The following RNF180 variants were observed in gnomAD, a reference collection of about 807,000 sequenced individuals.
RNF180 encodes the protein E3 ubiquitin-protein ligase RNF180.
RNF180 carries 38 observed loss-of-function variants against 59.2 expected under a neutral mutation model. That is an observed-to-expected ratio of 0.64 (90% confidence interval 0.50 to 0.84). The LOEUF (loss-of-function observed/expected upper bound fraction) is 0.84. Ranked by LOEUF, RNF180 falls within the 40% of genes least tolerant of loss-of-function variation. RNF180 has a pLI of 0.00. For synonymous variants in RNF180, 262 were observed against 240.3 expected (o/e 1.09, Z -0.84); for missense variants, 705 against 700.9 (o/e 1.01, Z -0.07).
At chr5:64,349,404 T>G (rs1403359246) in intron 7 of RNF180, among the ~76,000 whole-genome samples, 3 of 131,814 alleles carry the variant, frequency 2.3e-5, no homozygotes, top group East Asian at 4.0e-4. Flanking sequence ...CAGGCTAGTC[T>G]TCTTTCTTTT....
intron 5 of RNF180, among the ~76,000 whole-genome samples, chr5:64,231,544 T>A (rs943274630): frequency 4.6e-5 from 7 of 152,220 alleles, no homozygotes; most frequent in African/African-American, 1.7e-4. Context: ...GTGCTCTCTT[T>A]CGGTTAATTC....
chr5:64,292,424 G>A (rs184529137), intron 5 of RNF180, among the ~76,000 whole-genome samples: 179 of 152,258 alleles, frequency 1.2e-3, no homozygotes, highest in African/African-American at 3.8e-3. Context: ...TCCTAGTTGC[G>A]TTGGTTTTCC....
chr5:64,291,719 G>GC (rs1742599436), intron 5 of RNF180, among the ~76,000 whole-genome samples: 1 of 151,940 alleles, frequency 6.6e-6, no homozygotes, highest in African/African-American at 2.4e-5. Flanking sequence ...GAGCCACCGT[G>GC]CCCGGCCCTG....
At chr5:64,331,489 G>A (rs1744905058) in intron 7 of RNF180, among the ~76,000 whole-genome samples, 1 of 152,140 alleles carries the variant, frequency 6.6e-6, no homozygotes, top group Admixed American at 6.5e-5. Flanking sequence ...CAGACAGTGG[G>A]ACAACCTACC....
chr5:64,227,126 CA>C (rs775061157), intron 5 of RNF180, among the ~76,000 whole-genome samples: 58 of 152,300 alleles, frequency 3.8e-4, no homozygotes, highest in Admixed American at 8.5e-4. Flanking sequence ...GAGCTGGAGG[CA>C]GCGGCCACAA....
At chr5:64,332,133 C>G (rs1182722568) in intron 7 of RNF180, among the ~76,000 whole-genome samples, 1 of 152,052 alleles carries the variant, frequency 6.6e-6, no homozygotes, top group Non-Finnish European at 1.5e-5. Context: ...TAGTAAGAGC[C>G]AAGCACAGCC....
At chr5:64,231,967 G>A (rs1202836580) in intron 5 of RNF180, among the ~76,000 whole-genome samples, 1 of 151,996 alleles carries the variant, frequency 6.6e-6, no homozygotes, top group African/African-American at 2.4e-5. Context: ...AGGCTATTTT[G>A]CTTTTTAGTA....
At chr5:64,261,727 A>G (rs1056493996) in intron 5 of RNF180, among the ~76,000 whole-genome samples, 3 of 152,278 alleles carry the variant, frequency 2.0e-5, no homozygotes, top group East Asian at 1.9e-4. Flanking sequence ...TTATAAATCA[A>G]TATCAGGTGG....
chr5:64,221,671 A>C (rs907291620), intron 5 of RNF180, among the ~76,000 whole-genome samples: 2 of 152,202 alleles, frequency 1.3e-5, no homozygotes, highest in Non-Finnish European at 2.9e-5. Context: ...TGTGGAACAA[A>C]ATAATGTATG....
intron 1 of RNF180, among the ~76,000 whole-genome samples, chr5:64,174,940 T>G (rs1165137288): frequency 6.6e-6 from 1 of 151,476 alleles, no homozygotes. Context: ...GGTTTTACAT[T>G]TAAGTCTTTA....
chr5:64,231,857 G>A (rs1481894681), intron 5 of RNF180, among the ~76,000 whole-genome samples: 2 of 152,182 alleles, frequency 1.3e-5, no homozygotes, highest in Non-Finnish European at 2.9e-5. Flanking sequence ...AGCTTTTGCA[G>A]CCACTACAGA....
intron 1 of RNF180, among the ~76,000 whole-genome samples, chr5:64,183,024 G>A (rs945867837): frequency 1.2e-4 from 19 of 152,072 alleles, no homozygotes; most frequent in African/African-American, 4.3e-4. Context: ...AGCAGGTTGG[G>A]GAGGACAACC....
At chr5:64,169,786 T>C (rs2111861801) in intron 1 of RNF180, among the ~76,000 whole-genome samples, 1 of 152,358 alleles carries the variant, frequency 6.6e-6, no homozygotes, top group South Asian at 2.1e-4. Context: ...TAGTATAACT[T>C]TAACAAGAGA....
chr5:64,175,126 C>A (rs1273733733), intron 1 of RNF180, among the ~76,000 whole-genome samples: 1 of 152,040 alleles, frequency 6.6e-6, no homozygotes, highest in Non-Finnish European at 1.5e-5. Flanking sequence ...TGCCACCACA[C>A]CCGGCTAATT....
intron 5 of RNF180, among the ~76,000 whole-genome samples, chr5:64,281,174 A>G (rs1214496730): frequency 6.6e-6 from 1 of 152,222 alleles, no homozygotes; most frequent in African/African-American, 2.4e-5. Context: ...AACTTTGCTG[A>G]AGTTATTTAT....
chr5:64,362,448 G>A (rs1457500853), intron 7 of RNF180, among the ~76,000 whole-genome samples: 4 of 151,658 alleles, frequency 2.6e-5, no homozygotes, highest in South Asian at 2.1e-4. Context: ...ATAGTAATCC[G>A]TAGTGTATAG....
chr5:64,264,336 A>G (rs2112328702), intron 5 of RNF180, among the ~76,000 whole-genome samples: 1 of 152,160 alleles, frequency 6.6e-6, no homozygotes, highest in East Asian at 1.9e-4. Context: ...CTAGGTTTTA[A>G]GCCCCACATG....
chr5:64,317,991 C>T (rs1744153253), intron 5 of RNF180, among the ~76,000 whole-genome samples: 1 of 152,114 alleles, frequency 6.6e-6, no homozygotes, highest in African/African-American at 2.4e-5. Context: ...TTATTAAACA[C>T]TGCACTGAAA....
At chr5:64,244,323 G>A (rs1237832880) in intron 5 of RNF180, among the ~76,000 whole-genome samples, 4 of 151,870 alleles carry the variant, frequency 2.6e-5, no homozygotes, top group East Asian at 3.9e-4. Context: ...CTAACCCAAC[G>A]CAAGGAAGCT....
Sources: gnomAD v4.1 joint callset for allele counts (sites outside exome capture counted in the v4.1 genomes callset) on GRCh38, gnomAD v4.1.1 for gene constraint, MANE v1.5 for transcripts, NCBI Gene and HGNC (gene_info 2026-07-23, HGNC 2026-07-21) for gene names.